STXBP5L: variants seen among roughly 807,000 people sequenced by gnomAD.
STXBP5L encodes syntaxin binding protein 5L.
A neutral mutation model predicts 144.5 loss-of-function variants in STXBP5L; 65 were observed. The ratio of observed to expected loss-of-function variants is 0.45; its 90% CI spans 0.37 to 0.55. STXBP5L has a LOEUF of 0.55. STXBP5L is among the 20% of genes least tolerant of loss of function. The pLI is 0.00. For synonymous variants in STXBP5L, 505 were observed against 469.6 expected (o/e 1.08, Z -0.97); for missense variants, 1,298 against 1,405.5 (o/e 0.92, Z 1.22).
At chr3:120,942,573 A>G (rs1710623743) in intron 2 of STXBP5L, among the ~76,000 whole-genome samples, 2 of 151,496 alleles carry the variant, frequency 1.3e-5, no homozygotes, top group African/African-American at 4.8e-5. Flanking sequence ...TATAAATAAG[A>G]ATTTCCTCCC....
intron 25 of STXBP5L, 30 bp from the exon 26 acceptor site, chr3:121,418,307 G>C: frequency 6.3e-7 from 1 of 1,593,270 alleles, no homozygotes; most frequent in Non-Finnish European, 8.6e-7. Context: ...CTGACAAAAT[G>C]TTTTAAATTG....
intron 9 of STXBP5L, among the ~76,000 whole-genome samples, chr3:121,164,437 A>T (rs2046430767): frequency 6.6e-6 from 1 of 152,212 alleles, no homozygotes; most frequent in African/African-American, 2.4e-5. Flanking sequence ...TATTGGTGAG[A>T]ATGTAGATTG....
intron 3 of STXBP5L, among the ~76,000 whole-genome samples, chr3:120,971,332 G>A (rs755723737): frequency 4.9e-4 from 75 of 151,806 alleles, no homozygotes; most frequent in Admixed American, 9.2e-4. Flanking sequence ...CCCAAGTAGT[G>A]TACATTGTAC....
At chr3:121,127,861 G>A (rs1307769211) in intron 7 of STXBP5L, among the ~76,000 whole-genome samples, 1 of 151,876 alleles carries the variant, frequency 6.6e-6, no homozygotes, top group African/African-American at 2.4e-5. Flanking sequence ...CATTTCTGGA[G>A]GAGAACAGTT....
chr3:121,330,299 C>A (rs536281139), intron 20 of STXBP5L, among the ~76,000 whole-genome samples: 1 of 152,324 alleles, frequency 6.6e-6, no homozygotes, highest in Non-Finnish European at 1.5e-5. Flanking sequence ...GCCTGCTACT[C>A]CCCACTGCCC....
intron 5 of STXBP5L, among the ~76,000 whole-genome samples, chr3:121,078,828 G>A (rs2042135260): frequency 6.6e-6 from 1 of 152,274 alleles, no homozygotes. Flanking sequence ...GGGTCCGGCA[G>A]GGCTGGCCGG....
intron 5 of STXBP5L, among the ~76,000 whole-genome samples, chr3:121,057,640 G>A (rs536036671): frequency 1.3e-5 from 2 of 151,946 alleles, no homozygotes; most frequent in East Asian, 1.9e-4. Flanking sequence ...CATCCATGTG[G>A]CATTTAGCTG....
intron 10 of STXBP5L, among the ~76,000 whole-genome samples, chr3:121,211,410 A>G (rs1212109533): frequency 1.3e-5 from 2 of 151,130 alleles, no homozygotes; most frequent in Non-Finnish European, 2.9e-5. Context: ...CCAATTGAAA[A>G]CCCTTTCTTT....
At chr3:121,238,889 C>T (rs1156858074) in intron 12 of STXBP5L, 82 bp from the exon 13 acceptor site, 1 of 1,314,538 alleles carries the variant, frequency 7.6e-7, no homozygotes, top group Non-Finnish European at 1.0e-6. Flanking sequence ...TGTTTAGAGA[C>T]ATTTTAGGGC....
chr3:121,170,959 C>A (rs9818754), intron 9 of STXBP5L, among the ~76,000 whole-genome samples: 15,103 of 152,118 alleles, frequency 0.099, 1,182 homozygotes, highest in Admixed American at 0.2. Context: ...ACTGGTAAAC[C>A]GAATCCAGCA....
intron 3 of STXBP5L, among the ~76,000 whole-genome samples, chr3:120,960,486 A>G (rs9833801): frequency 0.38 from 57,034 of 152,078 alleles, 10,900 homozygotes; most frequent in Non-Finnish European, 0.4. Flanking sequence ...ACTATTCATA[A>G]TAGCAAAGAC....
chr3:121,080,785 T>G (rs1040279504), intron 5 of STXBP5L, among the ~76,000 whole-genome samples: 4 of 152,220 alleles, frequency 2.6e-5, no homozygotes, highest in Non-Finnish European at 5.9e-5. Context: ...TTCTCCATCT[T>G]GACTTCAGTA....
At chr3:121,195,963 T>C (rs1435925276) in intron 9 of STXBP5L, among the ~76,000 whole-genome samples, 8 of 152,180 alleles carry the variant, frequency 5.3e-5, no homozygotes, top group Non-Finnish European at 1.0e-4. Context: ...TGTAATATAT[T>C]TTGAAATCAG....
chr3:120,958,759 A>T (rs956750665), intron 3 of STXBP5L, among the ~76,000 whole-genome samples: 2 of 152,232 alleles, frequency 1.3e-5, no homozygotes, highest in Admixed American at 6.5e-5. Context: ...GTATCTCTAA[A>T]TAATAAGAGC....
At chr3:121,333,719 G>A (rs145810187) in intron 20 of STXBP5L, among the ~76,000 whole-genome samples, 102 of 152,136 alleles carry the variant, frequency 6.7e-4, no homozygotes, top group Admixed American at 2.7e-3. Context: ...AGAAATACAA[G>A]TAACCAGCAG....
rs551827485 is a variant in STXBP5L at position 121,332,982 on chromosome 3, A to T, written c.2176+14442A>T. 1.8e-4 allele frequency among the ~76,000 whole-genome samples: 28 copies of T among 152,268 alleles called. No homozygotes were observed. In the South Asian group the frequency reaches 5.8e-3, roughly 32 times the overall value. On this transcript the variant is annotated intron_variant, in intron 20 of 26. Coordinates refer to ENST00000471454, the MANE Select transcript of STXBP5L (RefSeq NM_001308330.2). ...AAGAATCTTGTAATCCAGCAAAACTAAGTTGCTTACATGAAGGAGAAATAA... is the reference window on the plus strand; with the variant it reads ...AAGAATCTTGTAATCCAGCAAAACTTAGTTGCTTACATGAAGGAGAAATAA...
chr3:121,270,461 A>AT (rs538385793), intron 18 of STXBP5L, among the ~76,000 whole-genome samples: 11 of 148,332 alleles, frequency 7.4e-5, no homozygotes, highest in South Asian at 2.1e-4. Flanking sequence ...GTTCTTCAGC[A>AT]TTTTTTTTTT....
At chr3:121,063,729 C>A (rs560464679) in intron 5 of STXBP5L, among the ~76,000 whole-genome samples, 11 of 152,244 alleles carry the variant, frequency 7.2e-5, no homozygotes, top group Admixed American at 2.6e-4. Context: ...GGCTATAGCA[C>A]CTTTGTGGAG....
chr3:121,211,815 C>T (rs754835317), intron 10 of STXBP5L, among the ~76,000 whole-genome samples: 46 of 152,032 alleles, frequency 3.0e-4, no homozygotes, highest in Non-Finnish European at 6.0e-4. Flanking sequence ...CTCTTGACCT[C>T]GTGATCCGAC....
Sources: gnomAD v4.1 joint callset for allele counts (sites outside exome capture counted in the v4.1 genomes callset) on GRCh38, gnomAD v4.1.1 for gene constraint, MANE v1.5 for transcripts, NCBI Gene and HGNC (gene_info 2026-07-23, HGNC 2026-07-21) for gene names.